The following TTC7B variants were observed in gnomAD, a reference collection of about 807,000 sequenced individuals.
The protein encoded by TTC7B is tetratricopeptide repeat domain 7B.
A neutral mutation model predicts 106.8 loss-of-function variants in TTC7B; 28 were observed. That is an observed-to-expected ratio of 0.26 (90% CI 0.19 to 0.36). The LOEUF (loss-of-function observed/expected upper bound fraction) is 0.36. TTC7B is among the 10% of genes least tolerant of loss of function. TTC7B has a pLI of 1.00. For missense variants in TTC7B, 862 were observed against 1,076.4 expected (o/e 0.80, Z 2.79); for synonymous variants, 405 against 430.6 (o/e 0.94, Z 0.74).
intron 7 of TTC7B, among the ~76,000 whole-genome samples, chr14:90,680,905 T>C (rs1240432954): frequency 6.6e-6 from 1 of 152,242 alleles, no homozygotes; most frequent in Non-Finnish European, 1.5e-5. Flanking sequence ...CACTAAACAG[T>C]ACTCTTCTTA....
At chr14:90,687,951 A>G (rs1249863522) in intron 7 of TTC7B, among the ~76,000 whole-genome samples, 1 of 152,246 alleles carries the variant, frequency 6.6e-6, no homozygotes, top group Admixed American at 6.5e-5. Context: ...CCTTGAAGAA[A>G]TGCCGACTCC....
intron 3 of TTC7B, among the ~76,000 whole-genome samples, chr14:90,775,245 G>C (rs1301567307): frequency 1.3e-5 from 2 of 152,056 alleles, no homozygotes; most frequent in African/African-American, 4.8e-5. Context: ...CAAACCCAAG[G>C]GATACATAAG....
chr14:90,785,423 A>G (rs1891352899), intron 2 of TTC7B, among the ~76,000 whole-genome samples: 1 of 152,202 alleles, frequency 6.6e-6, no homozygotes, highest in African/African-American at 2.4e-5. Flanking sequence ...GAAGACAGGC[A>G]GCATGGAGCG....
chr14:90,780,730 G>C lies in TTC7B; in HGVS notation c.445+8C>G, dbSNP rs1368552815. The C allele has an allele frequency of 6.2e-7, 1 of 1,613,450 alleles. No individual in the cohort carries two copies. The highest frequency in any genetic ancestry group is 2.2e-5 in the East Asian group (1 of 44,890). On this transcript the variant is annotated splice_region_variant and intron_variant, in intron 3 of 19. Coordinates refer to ENST00000328459, the MANE Select transcript of TTC7B (RefSeq NM_001010854.2). ...ACGGGACACTGTGTTAGAAGGCACG[G>C]GCCTCACCTTTGGTAGCGTAGGCTT...
intron 13 of TTC7B, among the ~76,000 whole-genome samples, chr14:90,652,094 A>G (rs576029911): frequency 2.5e-4 from 38 of 152,174 alleles, no homozygotes; most frequent in African/African-American, 9.2e-4. Context: ...GCAGTGTAGT[A>G]TGGTGGGGCA....
intron 5 of TTC7B, among the ~76,000 whole-genome samples, chr14:90,717,597 C>A (rs1888707418): frequency 6.6e-6 from 1 of 152,108 alleles, no homozygotes; most frequent in South Asian, 2.1e-4. Context: ...ATTTTCTGGG[C>A]TTTAGCTCAA....
chr14:90,673,416 GAAAAC>G (rs1191905998), intron 9 of TTC7B, among the ~76,000 whole-genome samples: 1 of 152,116 alleles, frequency 6.6e-6, no homozygotes, highest in African/African-American at 2.4e-5. Flanking sequence ...GGGCGGAAAG[GAAAAC>G]AAAACAAAAA....
At chr14:90,745,428 A>T (rs1889929632) in intron 3 of TTC7B, among the ~76,000 whole-genome samples, 1 of 152,194 alleles carries the variant, frequency 6.6e-6, no homozygotes, top group African/African-American at 2.4e-5. Context: ...TTTTTCTTAG[A>T]CGCCCTTTAC....
At chr14:90,773,579 T>C (rs1890931837) in intron 3 of TTC7B, among the ~76,000 whole-genome samples, 1 of 152,100 alleles carries the variant, frequency 6.6e-6, no homozygotes. Context: ...CATGCCAGAC[T>C]CTCCATCAGC....
intron 15 of TTC7B, among the ~76,000 whole-genome samples, chr14:90,641,017 T>C (rs1187949230): frequency 6.6e-6 from 1 of 152,118 alleles, no homozygotes; most frequent in Non-Finnish European, 1.5e-5. Context: ...TTCTCCAGAG[T>C]AGTGAGCCTA....
At chr14:90,799,269 T>A (rs1438262572) in intron 1 of TTC7B, among the ~76,000 whole-genome samples, 1 of 152,182 alleles carries the variant, frequency 6.6e-6, no homozygotes, top group Non-Finnish European at 1.5e-5. Flanking sequence ...TGGAGCAGCT[T>A]CCCTTGCTCC....
intron 17 of TTC7B, among the ~76,000 whole-genome samples, chr14:90,607,772 G>A (rs768457261): frequency 6.6e-6 from 1 of 152,236 alleles, no homozygotes; most frequent in Non-Finnish European, 1.5e-5. Context: ...GATGGGTATG[G>A]AGGCATCTTC....
intron 19 of TTC7B, among the ~76,000 whole-genome samples, chr14:90,561,557 C>T (rs1345700553): frequency 6.6e-6 from 1 of 152,244 alleles, no homozygotes; most frequent in East Asian, 1.9e-4. Context: ...GTGATCACAT[C>T]TAATTTTCCC....
chr14:90,607,393 T>C (rs994351405), intron 17 of TTC7B, among the ~76,000 whole-genome samples: 8 of 152,198 alleles, frequency 5.3e-5, no homozygotes, highest in African/African-American at 1.9e-4. Flanking sequence ...GCCTGTGCCC[T>C]TTAAAGGGGA....
Position 90,624,483 on chromosome 14 carries a change from A to G in TTC7B, c.1752-6438T>C, listed in dbSNP as rs896202550. On this transcript the variant is annotated intron_variant, in intron 15 of 19. Transcript: ENST00000328459. The surrounding 1 kb of genome is among the most constrained non-coding windows in gnomAD (Gnocchi z 4.0). ...GCTGACTCGCTGGAAACTGCTCCCA[A>G]CCACTGGACATGCACCTCTAGTACC... is the stretch of plus-strand genomic sequence containing the variant. Among the ~76,000 whole-genome samples the G allele has an allele frequency of 6.6e-6, 1 of 152,056 alleles. No individual in the cohort carries two copies. The highest frequency in any genetic ancestry group is 1.5e-5 in the Non-Finnish European group (1 of 68,004).
At chr14:90,616,778 G>A (rs1238169017) in intron 16 of TTC7B, among the ~76,000 whole-genome samples, 1 of 152,100 alleles carries the variant, frequency 6.6e-6, no homozygotes, top group Non-Finnish European at 1.5e-5. Flanking sequence ...CCTCCCTGCT[G>A]GTCTCTGCAG....
chr14:90,632,304 T>C (rs922503791), intron 15 of TTC7B, among the ~76,000 whole-genome samples: 1 of 152,246 alleles, frequency 6.6e-6, no homozygotes, highest in Admixed American at 6.5e-5. Flanking sequence ...CAACCCCTGG[T>C]CAATTTAAAT....
chr14:90,800,767 C>T (rs1303782845), intron 1 of TTC7B, among the ~76,000 whole-genome samples: 4 of 151,848 alleles, frequency 2.6e-5, no homozygotes, highest in Non-Finnish European at 5.9e-5. Flanking sequence ...GCCAAGATTG[C>T]GCCACTGCAC....
intron 19 of TTC7B, among the ~76,000 whole-genome samples, chr14:90,569,073 C>T (rs1286494): frequency 2.8e-4 from 42 of 152,266 alleles, no homozygotes; most frequent in African/African-American, 9.1e-4. Flanking sequence ...TTATTGCCAT[C>T]GCTATCACCT....
Sources: gnomAD v4.1 joint callset for allele counts (sites outside exome capture counted in the v4.1 genomes callset) on GRCh38, gnomAD v4.1.1 for gene constraint, Gnocchi (gnomAD v3.1) non-coding constraint, MANE v1.5 for transcripts, NCBI Gene and HGNC (gene_info 2026-07-23, HGNC 2026-07-21) for gene names.